ADGRF5: variants seen among roughly 807,000 people sequenced by gnomAD.
ADGRF5 encodes adhesion G protein-coupled receptor F5.
A neutral mutation model predicts 132.3 loss-of-function variants in ADGRF5; 75 were observed. The ratio of observed to expected loss-of-function variants is 0.57; its 90% CI spans 0.47 to 0.69. The LOEUF (loss-of-function observed/expected upper bound fraction) is 0.69, where lower values mean the gene tolerates loss of function less well. Ranked by LOEUF, ADGRF5 falls within the 30% of genes least tolerant of loss-of-function variation. The pLI is 0.00. For missense variants in ADGRF5, 1,516 were observed against 1,630.6 expected, an observed-to-expected ratio of 0.93 and a Z score of 1.21; for synonymous variants, 629 against 597.6, an observed-to-expected ratio of 1.05 and a Z score of -0.77.
In ADGRF5 at chr6:46,860,826, T is replaced by G; in HGVS notation, c.2268A>C (p.Ile756=). 1.2e-6 allele frequency: 2 copies of G among 1,613,690 alleles called. No homozygotes were observed. The highest frequency in any genetic ancestry group is 8.5e-7 in the Non-Finnish European group (1 of 1,179,588). ...PTYLKDLSIS[I]DKAEHEISSS... ...AGCTGATTTCATGTTCCGCTTTGTC[T>G]ATGCTAATAGAAAGATCCTTCAGGT... is the stretch of plus-strand genomic sequence containing the variant. The change falls in exon 16 of 21, where the codon ATA becomes ATC. Residue 756 remains isoleucine, a synonymous_variant. Coordinates refer to ENST00000283296, the MANE Select transcript of ADGRF5 (RefSeq NM_001098518.2).
chr6:46,895,541 C>T (rs1050393123), intron 3 of ADGRF5, among the ~76,000 whole-genome samples: 11 of 151,084 alleles, frequency 7.3e-5, no homozygotes, highest in African/African-American at 2.7e-4. Flanking sequence ...GCAGGATTTC[C>T]GTGCTAGCAG....
At chr6:46,921,243 A>T (rs921763663) in intron 1 of ADGRF5, among the ~76,000 whole-genome samples, 1 of 152,100 alleles carries the variant, frequency 6.6e-6, no homozygotes, top group Non-Finnish European at 1.5e-5. Flanking sequence ...ACTCTCCCGA[A>T]GCTGAGCGAA....
At chr6:46,932,827 C>T (rs1436395845) in intron 1 of ADGRF5, among the ~76,000 whole-genome samples, 1 of 152,166 alleles carries the variant, frequency 6.6e-6, no homozygotes, top group African/African-American at 2.4e-5. Flanking sequence ...TAAGACTCCT[C>T]TCAATTCCTT....
At chr6:46,880,784 A>T (rs1329824255) in intron 8 of ADGRF5, among the ~76,000 whole-genome samples, 1 of 152,096 alleles carries the variant, frequency 6.6e-6, no homozygotes, top group Admixed American at 6.6e-5. Context: ...CTGCCTTATC[A>T]TTTCACAAAT....
chr6:46,935,953 CCT>C (rs1456526815), intron 1 of ADGRF5, among the ~76,000 whole-genome samples: 1 of 152,186 alleles, frequency 6.6e-6, no homozygotes, highest in African/African-American at 2.4e-5. Context: ...ACCGCCTGAC[CCT>C]CTCCCTAATC....
chr6:46,853,826 T>C lies in ADGRF5; in HGVS notation c.*166A>G. ...CAAACAGAAACATAACAATTATTTT[T>C]ATTCTGTCTTTACAAAAGAAAGCCT... On this transcript the variant is annotated 3_prime_UTR_variant, in exon 21 of 21. Transcript: ENST00000283296. 1 of 544,458 alleles carries C rather than the reference T, an allele frequency of 1.8e-6. No individual in the cohort carries two copies. Among genetic ancestry groups the C allele is most frequent in the East Asian group, 3.7e-5 (1 of 27,394 alleles). The allele number at this position is 544,458 out of a possible 1,614,324, so 33.7% of individuals were successfully genotyped here.
At chr6:46,930,916 T>C (rs1777527811) in intron 1 of ADGRF5, among the ~76,000 whole-genome samples, 1 of 152,062 alleles carries the variant, frequency 6.6e-6, no homozygotes, top group Admixed American at 6.6e-5. Context: ...TAGCCAGACA[T>C]GGTGGTGCAC....
At chr6:46,948,915 A>G (rs1425243640) in intron 1 of ADGRF5, among the ~76,000 whole-genome samples, 2 of 152,140 alleles carry the variant, frequency 1.3e-5, no homozygotes, top group Admixed American at 1.3e-4. Flanking sequence ...CCTTTGTGCT[A>G]CAACAATGGG....
At chr6:46,885,040 A>G (rs1028272018) in intron 4 of ADGRF5, among the ~76,000 whole-genome samples, 1 of 152,054 alleles carries the variant, frequency 6.6e-6, no homozygotes, top group African/African-American at 2.4e-5. Flanking sequence ...TATCCTACAA[A>G]CAATACAAAA....
In ADGRF5 at chr6:46,854,752, C is replaced by T. The variant is rs371655251; in HGVS notation, c.3962-681G>A. 8.9e-5 allele frequency: 115 copies of T among 1,287,012 alleles called. 1 individual carries two copies. In the East Asian group the frequency reaches 1.7e-3, roughly 19 times the overall value. 79.7% of individuals were successfully genotyped at this position (1,287,012 alleles called of 1,614,324 possible). ...GAACTGCCACCGCTAACAAGGTTTCCGTCATGGCCTGGGGGGATCTTAGGG... is the reference window on the plus strand; with the variant it reads ...GAACTGCCACCGCTAACAAGGTTTCTGTCATGGCCTGGGGGGATCTTAGGG... On this transcript the variant is annotated intron_variant, in intron 20 of 20. Transcript: ENST00000283296.
chr6:46,855,919 C>G, intron 20 of ADGRF5, 55 bp downstream of exon 20: 1 of 1,012,392 alleles, frequency 9.9e-7, no homozygotes, highest in Non-Finnish European at 1.6e-6. Flanking sequence ...TGAGGCTCCC[C>G]ATTTGAGCAA....
At chr6:46,877,302 T>TCCTTC (rs1554200471) in intron 10 of ADGRF5, among the ~76,000 whole-genome samples, 1 of 91,002 alleles carries the variant, frequency 1.1e-5, no homozygotes, top group Non-Finnish European at 2.3e-5. Flanking sequence ...TCTCTCTCTC[T>TCCTTC]CTCTTTCCTT....
chr6:46,931,301 C>T (rs1448775300), intron 1 of ADGRF5, among the ~76,000 whole-genome samples: 2 of 152,172 alleles, frequency 1.3e-5, no homozygotes, highest in Non-Finnish European at 2.9e-5. Context: ...CCCTTCACAG[C>T]TCTTCACTAA....
intron 10 of ADGRF5, among the ~76,000 whole-genome samples, chr6:46,873,372 G>T (rs974020992): frequency 6.6e-6 from 1 of 152,056 alleles, no homozygotes; most frequent in Non-Finnish European, 1.5e-5. Flanking sequence ...TCTACCGAAA[G>T]TGTTCCTTTA....
Position 46,858,496 on chromosome 6 carries a change from T to C in ADGRF5, c.3407A>G (p.Tyr1136Cys), listed in dbSNP as rs1448180311. 3 of 1,613,748 alleles carry C rather than the reference T, an allele frequency of 1.9e-6. No individual in the cohort carries two copies. Among genetic ancestry groups the C allele is most frequent in the Non-Finnish European group, 2.5e-6 (3 of 1,179,816 alleles). Residue 1136 changes from tyrosine to cysteine, a missense_variant, in exon 17 of 21, where the codon TAT (tyrosine) becomes TGT (cysteine). Around this residue, in one of 2 missense-constraint regions of ADGRF5, gnomAD observed 571 missense variants for 701.2 expected, o/e 0.81. Transcript: ENST00000283296. ...GACCGAGATGGCAAGTGGGCAGCCA[T>C]AGCCAAGACAGAAGGCAATGGCTTT... ...TQKAIAFCLGYGCPLAISVIT... is the reference protein window; with the variant it reads ...TQKAIAFCLGCGCPLAISVIT...
At chr6:46,888,658 A>G (rs1219971261) in intron 3 of ADGRF5, among the ~76,000 whole-genome samples, 153 bp from the exon 4 acceptor site, 3 of 152,186 alleles carry the variant, frequency 2.0e-5, no homozygotes, top group African/African-American at 7.2e-5. Flanking sequence ...TTTAGAGAAA[A>G]AGAAGGTTTA....
intron 1 of ADGRF5, among the ~76,000 whole-genome samples, chr6:46,940,815 G>T (rs957892500): frequency 5.3e-5 from 8 of 152,112 alleles, no homozygotes; most frequent in Admixed American, 3.3e-4. Flanking sequence ...TATTTGGGTT[G>T]GATTTTCTTA....
chr6:46,951,755 C>T (rs1454543574), intron 1 of ADGRF5, among the ~76,000 whole-genome samples: 1 of 152,218 alleles, frequency 6.6e-6, no homozygotes, highest in Non-Finnish European at 1.5e-5. Flanking sequence ...GCTCTGCACC[C>T]AGCAATGAAT....
chr6:46,934,900 T>G (rs1409737576), intron 1 of ADGRF5, among the ~76,000 whole-genome samples: 1 of 151,954 alleles, frequency 6.6e-6, no homozygotes, highest in East Asian at 1.9e-4. Flanking sequence ...TCACCAGTAA[T>G]AGTAGCAATT....
Sources: allele counts gnomAD v4.1 joint callset (sites outside exome capture counted in the v4.1 genomes callset), GRCh38; gene constraint gnomAD v4.1.1; regional missense constraint gnomAD v4.1.1; transcripts MANE v1.5; gene names NCBI Gene and HGNC (gene_info 2026-07-23, HGNC 2026-07-21).